APBA1: variants seen among roughly 807,000 people sequenced by gnomAD.
APBA1 encodes amyloid beta precursor protein binding family A member 1, also known as amyloid-beta A4 precursor protein-binding family A member 1.
A neutral mutation model predicts 86.6 loss-of-function variants in APBA1; 55 were observed. That is an observed-to-expected ratio of 0.64 (90% confidence interval 0.51 to 0.80). APBA1 has a LOEUF of 0.80. APBA1 is among the 30% of genes least tolerant of loss of function. The probability of loss-of-function intolerance (pLI) is 0.00; values close to 1 mark genes in which losing one functional copy is unlikely to be tolerated. For synonymous variants in APBA1, 511 were observed against 493.9 expected (o/e 1.03, Z -0.46); for missense variants, 1,090 against 1,183.0 (o/e 0.92, Z 1.15).
Position 69,649,297 on chromosome 9 carries a change from A to T in APBA1, c.-70+22856T>A, listed in dbSNP as rs115236954. Among the ~76,000 whole-genome samples, 1,084 of 152,240 alleles carry T rather than the reference A, an allele frequency of 7.1e-3. 16 individuals are homozygous for T. Among genetic ancestry groups the T allele is most frequent in the African/African-American group, 0.025 (1,029 of 41,540 alleles). ...TCTTTCCTTTACTTGAAATGCAAAA[A>T]TGGCATCCCATTATTCTCAGAATAA... On this transcript the variant is annotated intron_variant, in intron 1 of 12. Transcript: ENST00000265381.
chr9:69,568,867 A>G (rs1243480658), intron 1 of APBA1, among the ~76,000 whole-genome samples: 1 of 152,220 alleles, frequency 6.6e-6, no homozygotes, highest in Non-Finnish European at 1.5e-5. Flanking sequence ...AGTGACTGGC[A>G]TGAGAAAGTA....
chr9:69,624,385 T>C (rs554224921), intron 1 of APBA1, among the ~76,000 whole-genome samples: 11 of 152,328 alleles, frequency 7.2e-5, no homozygotes, highest in Admixed American at 1.3e-4. Context: ...TTGAAACAAA[T>C]TTTATAGTTA....
chr9:69,516,902 G>A lies in APBA1; in HGVS notation c.309C>T (p.Gly103=). The A allele has an allele frequency of 6.3e-7, 1 of 1,593,750 alleles. No individual in the cohort carries two copies. The highest frequency in any genetic ancestry group is 8.5e-7 in the Non-Finnish European group (1 of 1,176,730). The change falls in exon 2 of 13, where the codon GGC becomes GGT. Residue 103 remains glycine (G), a synonymous_variant. Coordinates refer to ENST00000265381, the MANE Select transcript of APBA1 (RefSeq NM_001163.4). This position sits in a 1 kb window ranked among gnomAD's most constrained non-coding sequence, Gnocchi z 7.3. Reference sequence around the variant, plus strand: ...GGTCCTGCGCGCGCTCCGCATCGTAGCCGTCGCGGGCCGCGGCGATCACGT... The same window carrying A: ...GGTCCTGCGCGCGCTCCGCATCGTAACCGTCGCGGGCCGCGGCGATCACGT... ...EGDVIAAARD[G]YDAERAQDPE...
chr9:69,503,576 T>C (rs957634906), intron 2 of APBA1, among the ~76,000 whole-genome samples: 1 of 152,144 alleles, frequency 6.6e-6, no homozygotes, highest in African/African-American at 2.4e-5. Context: ...CTACAACGCA[T>C]ATTATTATTG....
intron 10 of APBA1, among the ~76,000 whole-genome samples, chr9:69,447,129 AG>A (rs1449005144): frequency 6.6e-6 from 1 of 152,156 alleles, no homozygotes; most frequent in African/African-American, 2.4e-5. Context: ...CCCTTTTTTA[AG>A]GGCACTAATC....
In APBA1 at chr9:69,431,304, C is replaced by T. The variant is rs755146441; in HGVS notation, c.*23G>A. ...ACCACGAAGAGGAGAGTCCTCCATG[C>T]ATGCCACCGCGTGTGGCCGCGGTCA... On this transcript the variant is annotated 3_prime_UTR_variant, in exon 13 of 13. Transcript: ENST00000265381. 1.3e-6 allele frequency: 2 copies of T among 1,576,076 alleles called. No individual in the cohort carries two copies. The highest frequency in any genetic ancestry group is 1.7e-6 in the Non-Finnish European group (2 of 1,161,508).
At chr9:69,525,189 C>T (rs564733670) in intron 1 of APBA1, among the ~76,000 whole-genome samples, 18 of 151,952 alleles carry the variant, frequency 1.2e-4, no homozygotes, top group South Asian at 2.1e-4. Context: ...GGATGCCCAC[C>T]GTCATCACCT....
intron 1 of APBA1, among the ~76,000 whole-genome samples, chr9:69,616,638 C>A (rs1042016327): frequency 6.6e-6 from 1 of 152,106 alleles, no homozygotes; most frequent in African/African-American, 2.4e-5. Flanking sequence ...TCCAGGTAGA[C>A]CTATCCTGAA....
chr9:69,476,076 T>C lies in APBA1; in HGVS notation c.1268A>G (p.Asp423Gly). 1 of 1,614,086 alleles carries C rather than the reference T, an allele frequency of 6.2e-7. No individual in the cohort carries two copies. Residue 423 changes from aspartate to glycine, a missense_variant, in exon 3 of 13, where the codon GAC (aspartate) becomes GGC (glycine). Asp to Gly is a moderately conservative substitution (Grantham distance 94). This residue lies in a region of APBA1 where 678 missense variants were observed against 647.1 expected (regional missense o/e 1.05). Transcript: ENST00000265381. ...TTTATTAGTGGACGCTTCCACAGGG[T>C]CACTGGGGTGAAGAGATGTGCTTGA... ...ESSSTSLHPS[D>G]PVEASTNKES... is the part of the protein sequence containing the mutation.
rs146757799 is a variant in APBA1, at chr9:69,632,446, T to C, written c.-70+39707A>G. ...ATTTAAATCCTGCCTCTTCTGCTTC[T>C]GAGCTTCGAGACTGTGTATGGAGGA... On this transcript the variant is annotated intron_variant, in intron 1 of 12. Transcript: ENST00000265381. 1.8e-4 allele frequency among the ~76,000 whole-genome samples: 27 copies of C among 152,278 alleles called. No homozygotes were observed. In the East Asian group the frequency reaches 4.4e-3, roughly 25 times the overall value.
At chr9:69,622,952 G>A (rs1459509685) in intron 1 of APBA1, among the ~76,000 whole-genome samples, 2 of 152,132 alleles carry the variant, frequency 1.3e-5, no homozygotes, top group East Asian at 3.8e-4. Flanking sequence ...GATTAGCACA[G>A]GCAGCAACAG....
chr9:69,557,587 G>A (rs533532342), intron 1 of APBA1, among the ~76,000 whole-genome samples: 1 of 152,280 alleles, frequency 6.6e-6, no homozygotes, highest in South Asian at 2.1e-4. Context: ...TTTGAACACA[G>A]ATATCAATGA....
At chr9:69,660,306 T>G (rs1474659641) in intron 1 of APBA1, among the ~76,000 whole-genome samples, 1 of 152,194 alleles carries the variant, frequency 6.6e-6, no homozygotes, top group Non-Finnish European at 1.5e-5. Flanking sequence ...TCTTTATTTA[T>G]AGTCAAATGC....
In APBA1 at chr9:69,446,513, C is replaced by T. The variant is rs1834910936; in HGVS notation, c.2181+3071G>A. The stretch of plus-strand genomic sequence containing the variant: ...CATTTATAGACATCAAAGTTCAGCT[C>T]CTCAAACAATCCATTTCCCCTTAGG... On this transcript the variant is annotated intron_variant, in intron 10 of 12. Coordinates refer to ENST00000265381, the MANE Select transcript of APBA1 (RefSeq NM_001163.4). 3.3e-5 allele frequency among the ~76,000 whole-genome samples: 5 copies of T among 152,340 alleles called. No individual in the cohort carries two copies. In the South Asian group the frequency reaches 1.0e-3, roughly 32 times the overall value.
intron 1 of APBA1, among the ~76,000 whole-genome samples, chr9:69,567,824 A>T (rs746058867): frequency 6.6e-6 from 1 of 151,768 alleles, no homozygotes; most frequent in Non-Finnish European, 1.5e-5. Flanking sequence ...TCCCCTCAGC[A>T]CCCACCCTCC....
chr9:69,440,678 T>C (rs1473513909), intron 11 of APBA1, among the ~76,000 whole-genome samples: 1 of 152,188 alleles, frequency 6.6e-6, no homozygotes, highest in African/African-American at 2.4e-5. Context: ...AGGTGCTGTC[T>C]GTCACCCCTT....
At chr9:69,618,396 C>T (rs2133987634) in intron 1 of APBA1, among the ~76,000 whole-genome samples, 1 of 152,302 alleles carries the variant, frequency 6.6e-6, no homozygotes, top group East Asian at 1.9e-4. Context: ...GTTCTAGATG[C>T]TGGAATGATT....
chr9:69,437,459 G>C (rs1415382753), intron 11 of APBA1, among the ~76,000 whole-genome samples: 3 of 128,256 alleles, frequency 2.3e-5, no homozygotes, highest in African/African-American at 9.4e-5. Flanking sequence ...TTCAGAGCCT[G>C]TTATTGGTCT....
chr9:69,441,373 T>C (rs1834821192), intron 10 of APBA1, among the ~76,000 whole-genome samples: 1 of 152,174 alleles, frequency 6.6e-6, no homozygotes, highest in Non-Finnish European at 1.5e-5. Flanking sequence ...AATGCCTTCC[T>C]TTTGGGAAGT....
Sources: allele counts gnomAD v4.1 joint callset (sites outside exome capture counted in the v4.1 genomes callset), GRCh38; gene constraint gnomAD v4.1.1; regional missense constraint gnomAD v4.1.1; non-coding constraint Gnocchi (gnomAD v3.1); transcripts MANE v1.5; gene names NCBI Gene and HGNC (gene_info 2026-07-23, HGNC 2026-07-21).